PUS7: variants seen among roughly 807,000 people sequenced by gnomAD.
PUS7 encodes the protein pseudouridylate synthase 7 homolog.
PUS7 carries 48 observed loss-of-function variants against 79.8 expected under a neutral mutation model. The ratio of observed to expected loss-of-function variants is 0.60; its 90% CI spans 0.48 to 0.76. The LOEUF (loss-of-function observed/expected upper bound fraction) is 0.76. Ranked by LOEUF, PUS7 falls within the 30% of genes least tolerant of loss-of-function variation. The pLI, the probability that PUS7 is intolerant of heterozygous loss-of-function variation, is 0.00. For missense variants in PUS7, 729 were observed against 797.6 expected, an observed-to-expected ratio of 0.91 and a Z score of 1.04; for synonymous variants, 286 against 272.2, an observed-to-expected ratio of 1.05 and a Z score of -0.50.
chr7:105,477,440 G>A (rs1824157687), intron 9 of PUS7, among the ~76,000 whole-genome samples: 1 of 151,822 alleles, frequency 6.6e-6, no homozygotes, highest in Non-Finnish European at 1.5e-5. Context: ...AGTAGAGGCG[G>A]GATTTCACTA....
At chr7:105,511,114 C>T (rs1336282607) in intron 1 of PUS7, among the ~76,000 whole-genome samples, 1 of 151,716 alleles carries the variant, frequency 6.6e-6, no homozygotes, top group Non-Finnish European at 1.5e-5. Context: ...TTACTGCAAG[C>T]TCCGCCTCCC....
intron 7 of PUS7, among the ~76,000 whole-genome samples, chr7:105,489,372 C>G (rs1824693927): frequency 6.6e-6 from 1 of 152,012 alleles, no homozygotes; most frequent in Admixed American, 6.6e-5. Context: ...TACCCCCATT[C>G]TTCTGAGTTT....
intron 14 of PUS7, among the ~76,000 whole-genome samples, chr7:105,461,728 GTACT>G (rs1332237308): frequency 6.6e-6 from 1 of 152,204 alleles, no homozygotes; most frequent in Non-Finnish European, 1.5e-5. Context: ...ATCACAGAAT[GTACT>G]TACACAAACA....
At chr7:105,470,956 A>G (rs1586103081) in intron 10 of PUS7, 108 bp from the exon 11 acceptor site, 1 of 1,245,210 alleles carries the variant, frequency 8.0e-7, no homozygotes, top group East Asian at 2.5e-5. Flanking sequence ...TACTTGAAAT[A>G]TAGGTGCTGT....
chr7:105,460,499 A>G (rs1331302985), intron 14 of PUS7, among the ~76,000 whole-genome samples: 1 of 152,186 alleles, frequency 6.6e-6, no homozygotes, highest in East Asian at 1.9e-4. Context: ...GAAATAGGCA[A>G]CTAGTTCAGG....
chr7:105,468,485 G>T (rs778294241), intron 11 of PUS7, 22 bp from the exon 12 acceptor site: 1 of 1,565,926 alleles, frequency 6.4e-7, no homozygotes, highest in South Asian at 1.2e-5. Flanking sequence ...GAAAAAAATA[G>T]GCAAGAAAAC....
At chr7:105,514,770 C>T (rs185963570) in intron 1 of PUS7, among the ~76,000 whole-genome samples, 33 of 151,978 alleles carry the variant, frequency 2.2e-4, no homozygotes, top group Non-Finnish European at 3.7e-4. Context: ...TTTCCTGTTC[C>T]ATATAATAAC....
chr7:105,489,769 T>C (rs1053120690), intron 7 of PUS7, among the ~76,000 whole-genome samples: 4 of 152,160 alleles, frequency 2.6e-5, no homozygotes, highest in African/African-American at 9.7e-5. Context: ...TAGGGGATTA[T>C]GGGGTAAAGA....
intron 9 of PUS7, among the ~76,000 whole-genome samples, chr7:105,475,857 C>T (rs1435859090): frequency 6.6e-6 from 1 of 152,186 alleles, no homozygotes; most frequent in East Asian, 1.9e-4. Flanking sequence ...ATCCACCCAG[C>T]CCCCTAACCT....
intron 5 of PUS7, among the ~76,000 whole-genome samples, chr7:105,497,859 GTTCC>G (rs1825098741): frequency 6.6e-6 from 1 of 152,140 alleles, no homozygotes; most frequent in Non-Finnish European, 1.5e-5. Context: ...GGGTACATAG[GTTCC>G]ATATACTATT....
chr7:105,468,258 C>T (rs1823737191), intron 12 of PUS7, 79 bp downstream of exon 12: 1 of 1,531,588 alleles, frequency 6.5e-7, no homozygotes, highest in Admixed American at 2.0e-5. Flanking sequence ...AATTAATAGC[C>T]AGGATGGATT....
intron 2 of PUS7, among the ~76,000 whole-genome samples, chr7:105,507,191 G>A (rs554173198): frequency 4.0e-4 from 61 of 151,930 alleles, no homozygotes; most frequent in Non-Finnish European, 7.5e-4. Context: ...GATTACAGGC[G>A]CGTGCCACTA....
chr7:105,496,254 GGGAGAGAC>G (rs1220353102), intron 5 of PUS7, among the ~76,000 whole-genome samples: 1 of 51,874 alleles, frequency 1.9e-5, no homozygotes, highest in East Asian at 6.4e-4. Flanking sequence ...GAGAGAGAGA[GGGAGAGAC>G]ACATACATAT....
intron 1 of PUS7, among the ~76,000 whole-genome samples, chr7:105,515,116 T>G (rs1825846596): frequency 6.6e-6 from 1 of 152,190 alleles, no homozygotes; most frequent in Non-Finnish European, 1.5e-5. Flanking sequence ...AAATTCTTAA[T>G]TAATGACCCT....
At chr7:105,460,203 G>A (rs1259301005) in intron 14 of PUS7, among the ~76,000 whole-genome samples, 1 of 152,068 alleles carries the variant, frequency 6.6e-6, no homozygotes, top group East Asian at 2.0e-4. Flanking sequence ...CTCCCAAAGT[G>A]CTGGGATTAC....
intron 9 of PUS7, among the ~76,000 whole-genome samples, chr7:105,474,557 A>G (rs1824004635): frequency 6.6e-6 from 1 of 151,598 alleles, no homozygotes; most frequent in African/African-American, 2.4e-5. Flanking sequence ...TCACAAAGTC[A>G]GGAGATCAAG....
Position 105,457,872 on chromosome 7 carries a change from G to A in PUS7, c.1904C>T (p.Ala635Val), listed in dbSNP as rs1307099735. 4 of 1,613,976 alleles carry A rather than the reference G, an allele frequency of 2.5e-6. No homozygotes were observed. The highest frequency in any genetic ancestry group is 1.3e-5 in the African/African-American group (1 of 74,938). ...MDFSLPPSTY[A>V]TMAIREVLKM... ...TAGCACTTCTCGAATGGCCATGGTG[G>A]CGTAAGTAGAAGGGGGTAGAGAAAA... The change falls in exon 16 of 16, where the codon GCC becomes GTC. Residue 635 changes from alanine to valine, a missense_variant. By Grantham distance (64) the Ala-to-Val change is moderately conservative. Transcript: ENST00000469408.
intron 15 of PUS7, among the ~76,000 whole-genome samples, chr7:105,458,519 G>C (rs1024355575): frequency 6.6e-6 from 1 of 150,428 alleles, no homozygotes; most frequent in Non-Finnish European, 1.5e-5. Flanking sequence ...CACTTGTCTC[G>C]GTCTCCCAAA....
rs576605395 is a variant in PUS7, at chr7:105,488,977, T to C, written c.920+2563A>G. On this transcript the variant is annotated intron_variant, in intron 7 of 15. Coordinates refer to ENST00000469408, the MANE Select transcript of PUS7 (RefSeq NM_019042.5). ...TCCTGGCTAACATGGTGAAACCCCA[T>C]CTCTACTAAAAATACAAGAAATTAG... is the stretch of plus-strand genomic sequence containing the variant. Among the ~76,000 whole-genome samples the C allele has an allele frequency of 4.6e-5, 7 of 151,850 alleles. No individual in the cohort carries two copies. The South Asian group carries it at 1.2e-3, about 27-fold the overall frequency.
Sources: gnomAD v4.1 joint callset for allele counts (sites outside exome capture counted in the v4.1 genomes callset) on GRCh38, gnomAD v4.1.1 for gene constraint, MANE v1.5 for transcripts, NCBI Gene and HGNC (gene_info 2026-07-23, HGNC 2026-07-21) for gene names.